SLC16A10: variants seen among roughly 807,000 people sequenced by gnomAD.
SLC16A10 encodes monocarboxylate transporter 10.
A neutral mutation model predicts 40.0 loss-of-function variants in SLC16A10; 27 were observed. That is an observed-to-expected ratio of 0.67 (90% CI 0.50 to 0.93). The LOEUF (loss-of-function observed/expected upper bound fraction) is 0.93, where lower values mean the gene tolerates loss of function less well. Among genes scored for constraint, SLC16A10 ranks in the 40% least tolerant of loss-of-function variants. SLC16A10 has a pLI of 0.00. For missense variants in SLC16A10, 529 were observed against 658.2 expected (o/e 0.80, Z 2.15); for synonymous variants, 213 against 249.8 (o/e 0.85, Z 1.39).
intron 1 of SLC16A10, among the ~76,000 whole-genome samples, chr6:111,096,251 T>C (rs993834917): frequency 6.6e-6 from 1 of 152,248 alleles, no homozygotes; most frequent in African/African-American, 2.4e-5. Context: ...TGTGATGTCA[T>C]TTTTGGAAAA....
At chr6:111,192,519 T>C (rs1773011822) in intron 3 of SLC16A10, among the ~76,000 whole-genome samples, 1 of 152,192 alleles carries the variant, frequency 6.6e-6, no homozygotes, top group African/African-American at 2.4e-5. Flanking sequence ...AACCTCTGCC[T>C]GTTACCCAGT....
At chr6:111,165,905 C>T (rs1325348693) in intron 1 of SLC16A10, among the ~76,000 whole-genome samples, 9 of 152,280 alleles carry the variant, frequency 5.9e-5, no homozygotes, top group East Asian at 5.8e-4. Flanking sequence ...AGTCCTTCCA[C>T]GTGGTTACAA....
rs1031598274 is a variant in SLC16A10 at position 111,229,011 on chromosome 6, A to C, written c.*6776A>C. On this transcript the variant is annotated 3_prime_UTR_variant, in exon 6 of 6. Coordinates refer to ENST00000368851, the MANE Select transcript of SLC16A10 (RefSeq NM_018593.5). ...ACCATAGCACTCCAGCCTGGGCAAC[A>C]AGAGCAAAACTCTGTCTCAAAAAAA... The C allele has an allele frequency of 9.9e-5, 14 of 142,054 alleles. No individual in the cohort carries two copies. Among genetic ancestry groups the C allele is most frequent in the South Asian group, 7.1e-4 (3 of 4,216 alleles). 8.8% of individuals were successfully genotyped at this position (142,054 alleles called of 1,614,324 possible).
chr6:111,114,550 G>A (rs1236139420), intron 1 of SLC16A10, among the ~76,000 whole-genome samples: 1 of 152,008 alleles, frequency 6.6e-6, no homozygotes, highest in Admixed American at 6.5e-5. Context: ...TTAAATTGAA[G>A]GTAAATTTAA....
At chr6:111,161,924 A>G (rs1271456499) in intron 1 of SLC16A10, among the ~76,000 whole-genome samples, 27 of 152,208 alleles carry the variant, frequency 1.8e-4, no homozygotes, top group Admixed American at 1.8e-3. Context: ...GCCCAGAACT[A>G]GAATATTGAT....
rs922355100 is a variant in SLC16A10, at chr6:111,227,163, A to T, written c.*4928A>T. ...AAAAATTTGTTCTGCTCTACTATACATGCTGACTTTTGTTGATAGCTTGGT... is the reference window on the plus strand; with the variant it reads ...AAAAATTTGTTCTGCTCTACTATACTTGCTGACTTTTGTTGATAGCTTGGT... On this transcript the variant is annotated 3_prime_UTR_variant, in exon 6 of 6. Transcript: ENST00000368851. 6.6e-6 allele frequency: 1 copy of T among 152,240 alleles called. No homozygotes were observed. The highest frequency in any genetic ancestry group is 6.5e-5 in the Admixed American group (1 of 15,280). 9.4% of individuals were successfully genotyped at this position (152,240 alleles called of 1,614,324 possible). A position where few individuals can be genotyped will look rare whatever the true frequency, so the allele number is the denominator to read the frequency against.
rs1771049146 is a variant in SLC16A10, at chr6:111,228,528, T to C, written c.*6293T>C. Reference sequence around the variant, plus strand: ...AATAACACTTAGAACTCAAATTAGATTGGTAATACTATTTTGGAGCCTGTG... The same window carrying C: ...AATAACACTTAGAACTCAAATTAGACTGGTAATACTATTTTGGAGCCTGTG... On this transcript the variant is annotated 3_prime_UTR_variant, in exon 6 of 6. Transcript: ENST00000368851. 6.6e-6 allele frequency: 1 copy of C among 152,228 alleles called. No homozygotes were observed. Among genetic ancestry groups the C allele is most frequent in the Admixed American group, 6.5e-5 (1 of 15,276 alleles). 9.4% of individuals were successfully genotyped at this position (152,228 alleles called of 1,614,324 possible).
chr6:111,185,793 T>C (rs1480873758), intron 3 of SLC16A10, among the ~76,000 whole-genome samples: 1 of 152,148 alleles, frequency 6.6e-6, no homozygotes, highest in African/African-American at 2.4e-5. Flanking sequence ...TTTAGTCACA[T>C]ATAAACGCTC....
intron 1 of SLC16A10, among the ~76,000 whole-genome samples, chr6:111,098,028 G>A (rs1238238628): frequency 2.6e-5 from 4 of 152,168 alleles, no homozygotes; most frequent in African/African-American, 4.8e-5. Flanking sequence ...GATGGAGGCC[G>A]GGTGCCGTGG....
chr6:111,174,063 C>T (rs570231999), intron 2 of SLC16A10, among the ~76,000 whole-genome samples: 29 of 152,276 alleles, frequency 1.9e-4, no homozygotes, highest in Admixed American at 5.2e-4. Context: ...AGCTCTAGTT[C>T]TCCTTGTAAG....
chr6:111,152,075 T>G (rs963282555), intron 1 of SLC16A10, among the ~76,000 whole-genome samples: 2 of 152,232 alleles, frequency 1.3e-5, no homozygotes, highest in African/African-American at 4.8e-5. Flanking sequence ...CAGTAACTAC[T>G]CCTGGGGAAG....
intron 1 of SLC16A10, among the ~76,000 whole-genome samples, chr6:111,154,503 G>A (rs1333924815): frequency 6.6e-6 from 1 of 152,308 alleles, no homozygotes; most frequent in East Asian, 1.9e-4. Context: ...GAAGCATGAT[G>A]GATGTGGTTA....
intron 1 of SLC16A10, among the ~76,000 whole-genome samples, chr6:111,130,537 A>ATG (rs1284230071): frequency 6.6e-6 from 1 of 152,050 alleles, no homozygotes; most frequent in Admixed American, 6.5e-5. Context: ...ACATTCTGTT[A>ATG]TGTGTGTGTG....
intron 1 of SLC16A10, among the ~76,000 whole-genome samples, chr6:111,157,934 GAAC>G: frequency 6.7e-6 from 1 of 149,284 alleles, no homozygotes; most frequent in South Asian, 2.1e-4. Flanking sequence ...AAAAGAAAAA[GAAC>G]TGTGATCCTA....
At chr6:111,106,343 A>G (rs1771284411) in intron 1 of SLC16A10, among the ~76,000 whole-genome samples, 3 of 152,184 alleles carry the variant, frequency 2.0e-5, no homozygotes, top group Non-Finnish European at 2.9e-5. Context: ...CGTGTATGGT[A>G]TTATAATTAA....
chr6:111,091,659 T>C (rs1370436479), intron 1 of SLC16A10, among the ~76,000 whole-genome samples: 3 of 151,778 alleles, frequency 2.0e-5, no homozygotes, highest in African/African-American at 7.3e-5. Flanking sequence ...ACAATGTTTC[T>C]AGGCAGAACT....
At chr6:111,142,812 G>A (rs1014013727) in intron 1 of SLC16A10, among the ~76,000 whole-genome samples, 1 of 152,192 alleles carries the variant, frequency 6.6e-6, no homozygotes, top group Non-Finnish European at 1.5e-5. Flanking sequence ...ACAGTTTGCA[G>A]TTTCTTACAA....
chr6:111,221,934 T>G (rs555970068), intron 5 of SLC16A10, 69 bp from the exon 6 acceptor site: 1 of 1,434,682 alleles, frequency 7.0e-7, no homozygotes, highest in African/African-American at 1.5e-5. Flanking sequence ...GAATCAGTCC[T>G]GTGGCTGATC....
Position 111,222,424 on chromosome 6 carries a change from A to G in SLC16A10, c.*189A>G. The G allele has an allele frequency of 1.6e-6, 1 of 628,148 alleles. No homozygotes were observed. Among genetic ancestry groups the G allele is most frequent in the Non-Finnish European group, 2.4e-6 (1 of 409,258 alleles). The allele number at this position is 628,148 out of a possible 1,614,324, so 38.9% of individuals were successfully genotyped here. A position where few individuals can be genotyped will look rare whatever the true frequency, so the allele number is the denominator to read the frequency against. ...ACTAAATATCTCTGATGTTTCCATG[A>G]GTCTGAGGGCAGAGACTCTGGTATA... On this transcript the variant is annotated 3_prime_UTR_variant, in exon 6 of 6. Coordinates refer to ENST00000368851, the MANE Select transcript of SLC16A10 (RefSeq NM_018593.5).
Sources: allele counts gnomAD v4.1 joint callset (sites outside exome capture counted in the v4.1 genomes callset), GRCh38; gene constraint gnomAD v4.1.1; transcripts MANE v1.5; gene names NCBI Gene and HGNC (gene_info 2026-07-23, HGNC 2026-07-21).